ANKIB1: variants seen among roughly 807,000 people sequenced by gnomAD.
ANKIB1 encodes the protein ankyrin repeat and IBR domain-containing protein 1.
Under a neutral mutation model 122.1 loss-of-function variants are expected in ANKIB1, and 43 were observed. The ratio of observed to expected loss-of-function variants is 0.35; its 90% CI spans 0.28 to 0.45. ANKIB1 has a LOEUF of 0.45. Among genes scored for constraint, ANKIB1 ranks in the 20% least tolerant of loss-of-function variants. The pLI is 1.00. For synonymous variants in ANKIB1, 390 were observed against 442.0 expected, an observed-to-expected ratio of 0.88 and a Z score of 1.48; for missense variants, 992 against 1,329.5, an observed-to-expected ratio of 0.75 and a Z score of 3.95.
In ANKIB1 at chr7:92,351,004, A is replaced by C. The variant is rs376847463; in HGVS notation, c.1140A>C (p.Ala380=). 6.2e-7 allele frequency: 1 copy of C among 1,606,604 alleles called. No homozygotes were observed. Among genetic ancestry groups the C allele is most frequent in the Non-Finnish European group, 8.5e-7 (1 of 1,176,360 alleles). The change falls in exon 8 of 20, where the codon GCA becomes GCC. Residue 380 remains alanine (A), a synonymous_variant. Transcript: ENST00000265742. The part of the protein sequence containing the change: ...EGEAHNIFCP[A]YDCFQLVPVD... ...AAGCTCACAACATTTTTTGCCCTGC[A>C]TATGATTGCTTCCAACTTGTACCTG...
intron 11 of ANKIB1, among the ~76,000 whole-genome samples, chr7:92,386,144 CAGA>C (rs1428327426): frequency 2.0e-5 from 3 of 152,070 alleles, no homozygotes; most frequent in African/African-American, 7.2e-5. Flanking sequence ...TCAATATTGC[CAGA>C]AGTTTTTCAG....
At chr7:92,280,777 A>G (rs1801998826) in intron 1 of ANKIB1, among the ~76,000 whole-genome samples, 1 of 152,220 alleles carries the variant, frequency 6.6e-6, no homozygotes, top group African/African-American at 2.4e-5. Flanking sequence ...CTCTCATAAC[A>G]AAAAGCAGCT....
chr7:92,354,665 G>A (rs1487931652), intron 9 of ANKIB1, among the ~76,000 whole-genome samples: 1 of 151,968 alleles, frequency 6.6e-6, no homozygotes, highest in Non-Finnish European at 1.5e-5. Flanking sequence ...ATGTCTCTAG[G>A]CATTAATTTA....
chr7:92,347,893 G>A (rs1259492144), intron 7 of ANKIB1: 2 of 338,912 alleles, frequency 5.9e-6, no homozygotes, highest in Non-Finnish European at 1.1e-5. Flanking sequence ...CTTAAAACAG[G>A]ATCTTGCATA....
chr7:92,262,818 A>C (rs1379918164), intron 1 of ANKIB1, among the ~76,000 whole-genome samples: 1 of 152,196 alleles, frequency 6.6e-6, no homozygotes, highest in Non-Finnish European at 1.5e-5. Context: ...ATTCTAGGCA[A>C]GTTAATTAGT....
chr7:92,390,639 C>T (rs904157430), intron 15 of ANKIB1, among the ~76,000 whole-genome samples: 1 of 152,182 alleles, frequency 6.6e-6, no homozygotes, highest in Non-Finnish European at 1.5e-5. Flanking sequence ...GTTTTCATGT[C>T]ATCCCTTGAA....
At chr7:92,270,476 G>A (rs1021686359) in intron 1 of ANKIB1, among the ~76,000 whole-genome samples, 1 of 152,084 alleles carries the variant, frequency 6.6e-6, no homozygotes, top group African/African-American at 2.4e-5. Flanking sequence ...GGGGAGACTT[G>A]GATGATTTTC....
At chr7:92,370,675 T>C (rs566559270) in intron 10 of ANKIB1, among the ~76,000 whole-genome samples, 2 of 152,256 alleles carry the variant, frequency 1.3e-5, no homozygotes, top group Non-Finnish European at 2.9e-5. Context: ...GTACTTCAGA[T>C]GTCCTGACTT....
Position 92,295,091 on chromosome 7 carries a change from C to T in ANKIB1, c.113C>T (p.Thr38Ile), listed in dbSNP as rs1371375730. The change falls in exon 2 of 20, where the codon ACA becomes ATA. Residue 38 changes from threonine (T) to isoleucine (I), a missense_variant. Physicochemically the swap from Thr to Ile is moderately conservative, Grantham distance 89 (BLOSUM62 -1). This residue lies in a region of ANKIB1 where 54 missense variants were observed against 112.3 expected (regional missense o/e 0.48). Coordinates refer to ENST00000265742, the MANE Select transcript of ANKIB1 (RefSeq NM_019004.2). ...PQLKESLDPN[T>I]SYGEPYQHNT... ...CTAAAAGAATCTCTTGATCCAAATA[C>T]ATCTTATGGGGAGCCCTACCAGCAC... 1 of 1,586,456 alleles carries T rather than the reference C, an allele frequency of 6.3e-7. No individual in the cohort carries two copies. The highest frequency in any genetic ancestry group is 8.6e-7 in the Non-Finnish European group (1 of 1,165,618).
rs568308569 is a variant in ANKIB1 at position 92,258,962 on chromosome 7, TG to T, written c.-91+12444del. On this transcript the variant is annotated intron_variant, in intron 1 of 19. Transcript: ENST00000265742. ...GAGTTTTTTTTGTTTTGTTTTGTTT[TG>T]TTTTTTTTGAGACAGAGTCTCGTTT... 4.6e-5 allele frequency among the ~76,000 whole-genome samples: 7 copies of T among 151,630 alleles called. No individual in the cohort carries two copies. In the East Asian group the frequency reaches 7.7e-4, roughly 17 times the overall value.
chr7:92,261,534 T>C (rs1801564657), intron 1 of ANKIB1, among the ~76,000 whole-genome samples: 1 of 152,216 alleles, frequency 6.6e-6, no homozygotes, highest in South Asian at 2.1e-4. Flanking sequence ...GATATTTTGG[T>C]ATGCATTTTG....
intron 1 of ANKIB1, among the ~76,000 whole-genome samples, chr7:92,269,084 C>T (rs189691519): frequency 6.6e-6 from 1 of 152,168 alleles, no homozygotes; most frequent in Non-Finnish European, 1.5e-5. Context: ...GAAATTATAT[C>T]TTTCATTTTA....
intron 1 of ANKIB1, among the ~76,000 whole-genome samples, chr7:92,259,156 A>G (rs771891627): frequency 9.2e-5 from 14 of 152,022 alleles, no homozygotes; most frequent in Non-Finnish European, 1.6e-4. Context: ...AGGTTTTGCC[A>G]TGTTGCCCAG....
intron 5 of ANKIB1, among the ~76,000 whole-genome samples, chr7:92,338,963 TA>T (rs1252065012): frequency 1.9e-5 from 2 of 104,300 alleles, no homozygotes; most frequent in East Asian, 3.7e-4. Flanking sequence ...TATATATATA[TA>T]TATATATTTA....
chr7:92,263,974 A>T (rs915755623), intron 1 of ANKIB1, among the ~76,000 whole-genome samples: 2 of 152,206 alleles, frequency 1.3e-5, no homozygotes, highest in Admixed American at 1.3e-4. Flanking sequence ...CAAGTTTACA[A>T]TTTGACTGGA....
At chr7:92,267,982 T>C (rs888983784) in intron 1 of ANKIB1, among the ~76,000 whole-genome samples, 1 of 152,216 alleles carries the variant, frequency 6.6e-6, no homozygotes, top group Non-Finnish European at 1.5e-5. Flanking sequence ...TCTAAAGATG[T>C]GTACTTTCGT....
intron 1 of ANKIB1, among the ~76,000 whole-genome samples, chr7:92,263,945 G>C (rs1442727143): frequency 6.6e-6 from 1 of 151,932 alleles, no homozygotes; most frequent in South Asian, 2.1e-4. Flanking sequence ...AATATAAAGA[G>C]GTATAAAACC....
At chr7:92,260,275 G>A (rs1293624175) in intron 1 of ANKIB1, among the ~76,000 whole-genome samples, 1 of 151,950 alleles carries the variant, frequency 6.6e-6, no homozygotes. Flanking sequence ...TTTGTTCCTC[G>A]AACACACAGG....
chr7:92,313,826 T>G (rs975158929), intron 3 of ANKIB1, among the ~76,000 whole-genome samples: 2 of 152,162 alleles, frequency 1.3e-5, no homozygotes, highest in Non-Finnish European at 2.9e-5. Context: ...TCCTGGTGAT[T>G]ATTTGCATGG....
Sources: gnomAD v4.1 joint callset for allele counts (sites outside exome capture counted in the v4.1 genomes callset) on GRCh38, gnomAD v4.1.1 for gene constraint, gnomAD v4.1.1 regional missense constraint, MANE v1.5 for transcripts, NCBI Gene and HGNC (gene_info 2026-07-23, HGNC 2026-07-21) for gene names.